Variants in PCCA observed in about 807,000 individuals in gnomAD.
PCCA encodes propionyl-CoA carboxylase alpha chain, mitochondrial.
Under a neutral mutation model 101.3 loss-of-function variants are expected in PCCA, and 74 were observed. That is an observed-to-expected ratio of 0.73 (90% confidence interval 0.61 to 0.89). The LOEUF is 0.89. Ranked by LOEUF, PCCA falls within the 40% of genes least tolerant of loss-of-function variation. The pLI, the probability that PCCA is intolerant of heterozygous loss-of-function variation, is 0.00. For synonymous variants in PCCA, 294 were observed against 313.6 expected, an observed-to-expected ratio of 0.94 and a Z score of 0.66; for missense variants, 891 against 907.0, an observed-to-expected ratio of 0.98 and a Z score of 0.23.
intron 21 of PCCA, among the ~76,000 whole-genome samples, chr13:100,512,588 G>T (rs935125751): frequency 6.6e-6 from 1 of 152,096 alleles, no homozygotes; most frequent in African/African-American, 2.4e-5. Flanking sequence ...GTCATCTTCC[G>T]GCTCCATGGC....
chr13:100,449,398 G>C, intron 21 of PCCA, 93 bp downstream of exon 21: 1 of 693,146 alleles, frequency 1.4e-6, no homozygotes, highest in South Asian at 1.8e-5. Context: ...CTTCATTACT[G>C]CTAGATATTT....
At chr13:100,185,324 CTTTTT>C (rs1053558767) in intron 6 of PCCA, among the ~76,000 whole-genome samples, 1 of 151,994 alleles carries the variant, frequency 6.6e-6, no homozygotes, top group African/African-American at 2.4e-5. Flanking sequence ...TTCTTTCTCT[CTTTTT>C]ATCTTTTCTT....
At chr13:100,351,216 C>T (rs150202409) in intron 18 of PCCA, among the ~76,000 whole-genome samples, 45 of 152,104 alleles carry the variant, frequency 3.0e-4, no homozygotes, top group Middle Eastern at 3.4e-3. Context: ...TTATTAAAAA[C>T]GCAAGTTAGC....
intron 19 of PCCA, 117 bp from the exon 20 acceptor site, chr13:100,425,516 G>C: frequency 1.3e-6 from 1 of 741,064 alleles, no homozygotes; most frequent in Non-Finnish European, 2.4e-6. Context: ...CAGTAAACAT[G>C]ACAGGTTGTT....
At chr13:100,211,532 A>G (rs1440603195) in intron 7 of PCCA, among the ~76,000 whole-genome samples, 1 of 152,144 alleles carries the variant, frequency 6.6e-6, no homozygotes, top group Non-Finnish European at 1.5e-5. Flanking sequence ...CTTTTGGCAC[A>G]TTACTCAGTT....
chr13:100,466,464 G>A (rs1426226917), intron 21 of PCCA, among the ~76,000 whole-genome samples: 1 of 152,190 alleles, frequency 6.6e-6, no homozygotes, highest in Admixed American at 6.5e-5. Context: ...TCAAGATTGT[G>A]AGGGGAACAG....
In PCCA at chr13:100,439,658, G is replaced by A. The variant is rs139853350; in HGVS notation, c.1846-9594G>A. ...ATTTAATGTATTGTTTGTCGTTAGC[G>A]TTTTACATACTAGATTTTCATCGTG... On this transcript the variant is annotated intron_variant, in intron 20 of 23. Coordinates refer to ENST00000376285, the MANE Select transcript of PCCA (RefSeq NM_000282.4). Among the ~76,000 whole-genome samples, 975 of 151,682 alleles carry A rather than the reference G, an allele frequency of 6.4e-3. 8 individuals carry two copies. The highest frequency in any genetic ancestry group is 0.022 in the African/African-American group (902 of 41,340).
intron 1 of PCCA, among the ~76,000 whole-genome samples, chr13:100,092,388 CTTT>C (rs553592520): frequency 7.4e-6 from 1 of 135,126 alleles, no homozygotes. Context: ...TTCTTTCTTC[CTTT>C]TTTTTTTTTG....
chr13:100,448,002 TCATGG>T (rs1266526934), intron 20 of PCCA, among the ~76,000 whole-genome samples: 2 of 152,220 alleles, frequency 1.3e-5, no homozygotes, highest in African/African-American at 4.8e-5. Flanking sequence ...ATCGTAATGC[TCATGG>T]CATGTAGTTG....
At position 100,264,199 on chromosome 13, in the gene PCCA, A is replaced by G. The variant is rs185597807; in HGVS notation, c.819+1368A>G. Among the ~76,000 whole-genome samples the G allele has an allele frequency of 4.6e-3, 567 of 122,314 alleles. 114 individuals are homozygous for G. Among genetic ancestry groups the G allele is most frequent in the African/African-American group, 0.015 (541 of 36,966 alleles). 80.2% of individuals were successfully genotyped at this position (122,314 alleles called of 152,430 possible). On this transcript the variant is annotated intron_variant, in intron 10 of 23. Coordinates refer to ENST00000376285, the MANE Select transcript of PCCA (RefSeq NM_000282.4). ...TATATATGTGATATCTGTATATCATATATGTGATATCTGTATCTCATATAT... is the reference window on the plus strand; with the variant it reads ...TATATATGTGATATCTGTATATCATGTATGTGATATCTGTATCTCATATAT...
chr13:100,257,072 T>C (rs1472729025), intron 8 of PCCA, among the ~76,000 whole-genome samples: 1 of 152,206 alleles, frequency 6.6e-6, no homozygotes, highest in Non-Finnish European at 1.5e-5. Context: ...GCCCATAGCA[T>C]CGTAGCCAGG....
chr13:100,416,212 G>A (rs1442546603), intron 19 of PCCA, among the ~76,000 whole-genome samples: 2 of 150,716 alleles, frequency 1.3e-5, no homozygotes, highest in Non-Finnish European at 1.5e-5. Flanking sequence ...TTTCTGAGAC[G>A]GAGTCTCGCT....
intron 19 of PCCA, among the ~76,000 whole-genome samples, chr13:100,400,249 T>C (rs1297269314): frequency 6.6e-6 from 1 of 152,200 alleles, no homozygotes; most frequent in Non-Finnish European, 1.5e-5. Context: ...AAAGGTTGTT[T>C]GTTTAGTATG....
Position 100,157,194 on chromosome 13 carries a change from G to A in PCCA, c.415-93G>A, listed in dbSNP as rs939647681. On this transcript the variant is annotated intron_variant, in intron 5 of 23. Transcript: ENST00000376285. ...GTACTTATTCAAGGGCTCTTGAACA[G>A]TAAATATTAATACATAAATGCACTG... 3 of 817,622 alleles carry A rather than the reference G, an allele frequency of 3.7e-6. No individual in the cohort carries two copies. The African/African-American group carries it at 5.1e-5, about 14-fold the overall frequency. The allele number at this position is 817,622 out of a possible 1,614,324, so 50.6% of individuals were successfully genotyped here. A position where few individuals can be genotyped will look rare whatever the true frequency, so the allele number is the denominator to read the frequency against.
chr13:100,234,499 A>C lies in PCCA; in HGVS notation c.601-1343A>C, dbSNP rs570270921. 3.9e-5 allele frequency among the ~76,000 whole-genome samples: 6 copies of C among 152,068 alleles called. No individual in the cohort carries two copies. The South Asian group carries it at 1.2e-3, about 32-fold the overall frequency. ...TAAAAAAAAAAAAAAACAACTTAAA[A>C]CTGATGTCGCTTTCAGGACCCCTTT... On this transcript the variant is annotated intron_variant, in intron 7 of 23. Transcript: ENST00000376285.
intron 6 of PCCA, among the ~76,000 whole-genome samples, chr13:100,181,853 C>T (rs1400978662): frequency 2.0e-5 from 3 of 149,678 alleles, no homozygotes; most frequent in African/African-American, 7.4e-5. Flanking sequence ...GCAACCTCTG[C>T]CTCTGTGTTC....
chr13:100,416,074 C>T (rs1184438659), intron 19 of PCCA, among the ~76,000 whole-genome samples: 1 of 152,108 alleles, frequency 6.6e-6, no homozygotes, highest in Non-Finnish European at 1.5e-5. Flanking sequence ...GGAAAATGTT[C>T]CACTTCAGCG....
intron 19 of PCCA, among the ~76,000 whole-genome samples, chr13:100,406,712 C>T (rs926670668): frequency 6.6e-6 from 1 of 151,958 alleles, no homozygotes; most frequent in South Asian, 2.1e-4. Flanking sequence ...GTCTCCCCAC[C>T]CAAAAAAAGA....
At chr13:100,441,607 T>C (rs887107316) in intron 20 of PCCA, among the ~76,000 whole-genome samples, 2 of 152,222 alleles carry the variant, frequency 1.3e-5, no homozygotes, top group African/African-American at 2.4e-5. Context: ...TATGTAAACA[T>C]TGGAGCAGAC....
Sources: gnomAD v4.1 joint callset for allele counts (sites outside exome capture counted in the v4.1 genomes callset) on GRCh38, gnomAD v4.1.1 for gene constraint, MANE v1.5 for transcripts, NCBI Gene and HGNC (gene_info 2026-07-23, HGNC 2026-07-21) for gene names.